Variants in DLGAP2 observed in about 807,000 individuals in gnomAD.
The protein encoded by DLGAP2 is DLG associated protein 2.
A neutral mutation model predicts 100.3 loss-of-function variants in DLGAP2; 26 were observed. That is an observed-to-expected ratio of 0.26 (90% CI 0.19 to 0.36). The LOEUF is 0.36. Among genes scored for constraint, DLGAP2 ranks in the 10% least tolerant of loss-of-function variants. DLGAP2 has a pLI of 1.00. For synonymous variants in DLGAP2, 886 were observed against 630.1 expected (o/e 1.41, Z -6.08); for missense variants, 1,858 against 1,453.2 (o/e 1.28, Z -4.53).
At chr8:1,371,703 G>A (rs1802241793) in intron 3 of DLGAP2, among the ~76,000 whole-genome samples, 1 of 152,232 alleles carries the variant, frequency 6.6e-6, no homozygotes, top group Non-Finnish European at 1.5e-5. Flanking sequence ...GGGCTGAGCT[G>A]GAAGAATAGA....
intron 5 of DLGAP2, 144 bp downstream of exon 5, chr8:1,549,827 C>G (rs990025099): frequency 1.6e-5 from 16 of 994,802 alleles, no homozygotes; most frequent in Non-Finnish European, 2.1e-5. Context: ...TGTTCTGGGA[C>G]AGCTCCACTG....
chr8:770,676 T>C (rs1821333468), intron 1 of DLGAP2, among the ~76,000 whole-genome samples: 2 of 152,250 alleles, frequency 1.3e-5, no homozygotes, highest in East Asian at 3.9e-4. Flanking sequence ...GACCTCCTGC[T>C]TCTGGCTGTG....
At chr8:1,592,470 G>T (rs765146602) in intron 6 of DLGAP2, among the ~76,000 whole-genome samples, 1 of 151,900 alleles carries the variant, frequency 6.6e-6, no homozygotes, top group Non-Finnish European at 1.5e-5. Context: ...ATATGGTCCT[G>T]TTGCACATTT....
chr8:1,232,393 C>T (rs1798555003), intron 2 of DLGAP2, among the ~76,000 whole-genome samples: 1 of 152,202 alleles, frequency 6.6e-6, no homozygotes, highest in Admixed American at 6.5e-5. Context: ...CTCATCATTC[C>T]AGGTCTCTGC....
intron 2 of DLGAP2, among the ~76,000 whole-genome samples, chr8:1,163,638 T>G (rs1796934992): frequency 6.6e-6 from 1 of 152,106 alleles, no homozygotes; most frequent in Non-Finnish European, 1.5e-5. Flanking sequence ...CGGGAGAGGC[T>G]GCAGGCGGCC....
intron 3 of DLGAP2, among the ~76,000 whole-genome samples, chr8:1,380,461 AACTC>A (rs1189482069): frequency 1.3e-5 from 2 of 152,142 alleles, no homozygotes; most frequent in East Asian, 3.9e-4. Flanking sequence ...TCGTGCATAA[AACTC>A]ACCCCTCCAG....
intron 2 of DLGAP2, among the ~76,000 whole-genome samples, chr8:1,246,548 A>G (rs1460963531): frequency 2.0e-5 from 3 of 152,208 alleles, no homozygotes; most frequent in South Asian, 2.1e-4. Context: ...TTGAAAAATT[A>G]AATACTGGGT....
rs868623539 is a variant in DLGAP2, at chr8:1,360,220, C to T, written c.106+101337C>T. 1.3e-3 allele frequency among the ~76,000 whole-genome samples: 101 copies of T among 75,414 alleles called. 1 individual carries two copies. The highest frequency in any genetic ancestry group is 5.8e-3 in the South Asian group (11 of 1,884). 49.5% of individuals were successfully genotyped at this position (75,414 alleles called of 152,430 possible). ...GCTCAGGGGCGGGGCTTTTCCGGGG[C>T]GGGGCTTCTCCGGGGCGGGGCTTCT... On this transcript the variant is annotated intron_variant, in intron 3 of 14. Coordinates refer to ENST00000637795, the MANE Select transcript of DLGAP2 (RefSeq NM_001346810.2).
intron 8 of DLGAP2, among the ~76,000 whole-genome samples, chr8:1,636,006 T>C (rs1797757125): frequency 6.6e-6 from 1 of 152,200 alleles, no homozygotes; most frequent in African/African-American, 2.4e-5. Context: ...GCCACGCATA[T>C]AAACGTTCCT....
intron 3 of DLGAP2, among the ~76,000 whole-genome samples, chr8:1,323,786 T>G (rs1181155310): frequency 6.6e-6 from 1 of 152,204 alleles, no homozygotes; most frequent in Non-Finnish European, 1.5e-5. Flanking sequence ...TTTGGATCTT[T>G]GAAGAAAGAG....
chr8:886,962 G>T (rs570186320), intron 1 of DLGAP2, among the ~76,000 whole-genome samples: 4 of 152,316 alleles, frequency 2.6e-5, no homozygotes, highest in South Asian at 2.1e-4. Flanking sequence ...AACACTGACA[G>T]TGGGGTGCTA....
intron 1 of DLGAP2, among the ~76,000 whole-genome samples, chr8:823,310 CATTATTATTATTATT>C (rs5888817): frequency 4.7e-5 from 7 of 148,438 alleles, no homozygotes; most frequent in African/African-American, 1.5e-4. Flanking sequence ...AGCTTGAATT[CATTATTATTATTATT>C]ATTATTATTA....
intron 3 of DLGAP2, among the ~76,000 whole-genome samples, chr8:1,289,412 T>TG (rs1800010506): frequency 2.0e-5 from 3 of 152,190 alleles, no homozygotes; most frequent in African/African-American, 7.2e-5. Context: ...TTCAGAGTGG[T>TG]TGCTACACAC....
intron 3 of DLGAP2, among the ~76,000 whole-genome samples, chr8:1,306,541 A>G (rs1418132338): frequency 6.6e-6 from 1 of 152,106 alleles, no homozygotes; most frequent in Non-Finnish European, 1.5e-5. Context: ...AGAAAAATCC[A>G]CCCTAAAATT....
At chr8:1,375,205 GATCCCCCACCTCCTACA>G (rs2129732350) in intron 3 of DLGAP2, among the ~76,000 whole-genome samples, 1 of 85,076 alleles carries the variant, frequency 1.2e-5, no homozygotes, top group Admixed American at 1.2e-4. Context: ...CCTCAGAACT[GATCCCCCACCTCCTACA>G]TTTGGGTTAA....
intron 2 of DLGAP2, among the ~76,000 whole-genome samples, chr8:1,078,956 T>C (rs929601635): frequency 1.3e-5 from 2 of 152,212 alleles, no homozygotes; most frequent in Non-Finnish European, 2.9e-5. Flanking sequence ...TAGAAGTATG[T>C]TTAGTTTTAT....
chr8:851,317 G>A (rs965738578), intron 1 of DLGAP2, among the ~76,000 whole-genome samples: 3 of 152,294 alleles, frequency 2.0e-5, no homozygotes, highest in Middle Eastern at 3.4e-3. Context: ...GCCTGGTGAC[G>A]CATGTCTCAG....
intron 3 of DLGAP2, among the ~76,000 whole-genome samples, chr8:1,430,729 C>G (rs1325241085): frequency 6.6e-6 from 1 of 152,180 alleles, no homozygotes; most frequent in Admixed American, 6.5e-5. Context: ...CAGTTTTCTT[C>G]CACTCAGAAA....
intron 2 of DLGAP2, among the ~76,000 whole-genome samples, chr8:1,180,384 T>A (rs769091380): frequency 4.6e-5 from 7 of 152,230 alleles, no homozygotes; most frequent in Admixed American, 1.3e-4. Flanking sequence ...TTTATTATCA[T>A]TTTTGAGAAG....
Sources: allele counts gnomAD v4.1 joint callset (sites outside exome capture counted in the v4.1 genomes callset), GRCh38; gene constraint gnomAD v4.1.1; transcripts MANE v1.5; gene names NCBI Gene and HGNC (gene_info 2026-07-23, HGNC 2026-07-21).